ANKRD28: variants seen among roughly 807,000 people sequenced by gnomAD.
ANKRD28 encodes the protein ankyrin repeat domain 28.
In ANKRD28, 44 loss-of-function variants were observed where a neutral mutation model predicts 126.5. That is an observed-to-expected ratio of 0.35 (90% confidence interval 0.27 to 0.45). ANKRD28 has a LOEUF of 0.45. Among genes scored for constraint, ANKRD28 ranks in the 20% least tolerant of loss-of-function variants. ANKRD28 has a pLI of 1.00. For synonymous variants in ANKRD28, 442 were observed against 468.5 expected (o/e 0.94, Z 0.73); for missense variants, 1,110 against 1,316.6 (o/e 0.84, Z 2.43).
At chr3:15,731,186 A>G (rs1395484941) in intron 6 of ANKRD28, among the ~76,000 whole-genome samples, 1 of 152,222 alleles carries the variant, frequency 6.6e-6, no homozygotes, top group African/African-American at 2.4e-5. Flanking sequence ...CTAAAAAGTG[A>G]CACTTAGCGG....
chr3:15,749,459 A>T (rs1306125466), intron 4 of ANKRD28, among the ~76,000 whole-genome samples: 2 of 152,160 alleles, frequency 1.3e-5, no homozygotes, highest in Non-Finnish European at 2.9e-5. Flanking sequence ...GTGTCTCCTT[A>T]ATTAGCTTAA....
intron 2 of ANKRD28, among the ~76,000 whole-genome samples, chr3:15,766,599 G>A (rs940500659): frequency 1.1e-4 from 16 of 152,124 alleles, no homozygotes; most frequent in African/African-American, 3.9e-4. Flanking sequence ...GAGCCTGCAA[G>A]TGAATGAGGC....
chr3:15,786,474 G>A (rs1473344846), intron 2 of ANKRD28, among the ~76,000 whole-genome samples: 1 of 152,062 alleles, frequency 6.6e-6, no homozygotes, highest in African/African-American at 2.4e-5. Context: ...GGAGAGGAGG[G>A]AGGAAGGGAT....
chr3:15,709,834 GATAA>G (rs2071980740), intron 12 of ANKRD28, 98 bp from the exon 13 acceptor site: 1 of 675,858 alleles, frequency 1.5e-6, no homozygotes, highest in African/African-American at 1.9e-5. Context: ...TTTATATGAA[GATAA>G]ATGTGACAAA....
chr3:15,688,892 A>G (rs1237552084), intron 18 of ANKRD28, among the ~76,000 whole-genome samples: 1 of 152,256 alleles, frequency 6.6e-6, no homozygotes, highest in African/African-American at 2.4e-5. Flanking sequence ...TTAATGCAGT[A>G]CACTGGTAAA....
At chr3:15,849,856 A>T (rs1363172430) in intron 1 of ANKRD28, among the ~76,000 whole-genome samples, 1 of 152,146 alleles carries the variant, frequency 6.6e-6, no homozygotes, top group Non-Finnish European at 1.5e-5. Flanking sequence ...ATCACCATGT[A>T]TACGGAAAAC....
intron 8 of ANKRD28, among the ~76,000 whole-genome samples, chr3:15,718,451 T>C (rs1400337924): frequency 2.0e-5 from 3 of 152,202 alleles, no homozygotes; most frequent in Non-Finnish European, 4.4e-5. Context: ...ATAGGACCAC[T>C]GGTTTGAGCA....
intron 6 of ANKRD28, among the ~76,000 whole-genome samples, chr3:15,729,387 C>G (rs2074413026): frequency 6.6e-6 from 1 of 152,160 alleles, no homozygotes; most frequent in Admixed American, 6.6e-5. Context: ...TCAGATCCAA[C>G]CTTTCCTGAC....
intron 2 of ANKRD28, among the ~76,000 whole-genome samples, chr3:15,783,865 T>G (rs545444833): frequency 1.3e-5 from 2 of 151,800 alleles, no homozygotes; most frequent in African/African-American, 4.8e-5. Context: ...CCCCAAAATA[T>G]ATCAAGGCAT....
intron 3 of ANKRD28, among the ~76,000 whole-genome samples, chr3:15,759,268 G>A (rs747234747): frequency 3.3e-5 from 5 of 152,124 alleles, no homozygotes; most frequent in Non-Finnish European, 5.9e-5. Flanking sequence ...TTTACTAGCA[G>A]TATAAAAACT....
In ANKRD28 at chr3:15,677,557, G is replaced by C; in HGVS notation, c.2713C>G (p.Leu905Val). ...ENGQTNTVEM[L>V]VSSASAELTL... ...AGTTCTGCACTAGCACTGCTAACCAGCATCTCTGGGAGGAAAAAGTGCATC... is the reference window on the plus strand; with the variant it reads ...AGTTCTGCACTAGCACTGCTAACCACCATCTCTGGGAGGAAAAAGTGCATC... The change falls in exon 25 of 28, where the codon CTG becomes GTG. Residue 905 changes from leucine (L) to valine (V), a missense_variant. Transcript: ENST00000683139. The C allele has an allele frequency of 6.2e-7, 1 of 1,608,718 alleles. No homozygotes were observed. The highest frequency in any genetic ancestry group is 8.5e-7 in the Non-Finnish European group (1 of 1,176,354).
chr3:15,851,703 A>G (rs955019914), intron 1 of ANKRD28, among the ~76,000 whole-genome samples: 1 of 152,208 alleles, frequency 6.6e-6, no homozygotes, highest in Admixed American at 6.5e-5. Flanking sequence ...GGAATGAAAA[A>G]TGGTGCAGCC....
chr3:15,795,524 C>T (rs191839231), intron 1 of ANKRD28, among the ~76,000 whole-genome samples: 3 of 151,820 alleles, frequency 2.0e-5, no homozygotes, highest in Non-Finnish European at 4.4e-5. Context: ...CAGTTTGACC[C>T]AATTTAGGTA....
chr3:15,820,579 C>A (rs969322709), intron 1 of ANKRD28, among the ~76,000 whole-genome samples: 1 of 152,112 alleles, frequency 6.6e-6, no homozygotes, highest in Non-Finnish European at 1.5e-5. Context: ...CTGTTTAGAT[C>A]TATTCTAACA....
rs887813534 is a variant in ANKRD28, at chr3:15,668,351, CTTGA to C, written c.*1915_*1918del. 7.3e-5 allele frequency: 11 copies of C among 150,268 alleles called. No homozygotes were observed. Among genetic ancestry groups the C allele is most frequent in the African/African-American group, 2.2e-4 (9 of 40,294 alleles). The allele number at this position is 150,268 out of a possible 1,614,324, so 9.3% of individuals were successfully genotyped here. On this transcript the variant is annotated 3_prime_UTR_variant, in exon 28 of 28. Coordinates refer to ENST00000683139, the MANE Select transcript of ANKRD28 (RefSeq NM_001349278.2). Reference sequence around the variant, plus strand: ...CACATATGTATACTTTTAGAATCTGCTTGATTTTTTTTTTTTTCAAAAGGTACAA... The same window carrying C: ...CACATATGTATACTTTTAGAATCTGCTTTTTTTTTTTTTCAAAAGGTACAA...
At chr3:15,703,792 TG>T (rs748630871) in intron 14 of ANKRD28, among the ~76,000 whole-genome samples, 13 of 152,246 alleles carry the variant, frequency 8.5e-5, no homozygotes, top group Non-Finnish European at 1.6e-4. Context: ...GGAAGAGTTA[TG>T]AAGTGCGGGC....
At chr3:15,680,959 G>A (rs753504095) in intron 21 of ANKRD28, among the ~76,000 whole-genome samples, 8 of 152,108 alleles carry the variant, frequency 5.3e-5, no homozygotes, top group Admixed American at 3.9e-4. Flanking sequence ...AAGCCACCAC[G>A]GCCAACATTT....
intron 1 of ANKRD28, chr3:15,859,289 C>A (rs2061852148): frequency 1.9e-5 from 28 of 1,489,158 alleles, no homozygotes; most frequent in Non-Finnish European, 2.4e-5. Context: ...CCCCGCCGAG[C>A]GGGCGTCCCA....
chr3:15,704,062 C>T (rs143186981), intron 14 of ANKRD28, among the ~76,000 whole-genome samples: 3 of 152,206 alleles, frequency 2.0e-5, no homozygotes, highest in Admixed American at 6.5e-5. Context: ...GTGGAGAAGA[C>T]CCACATGACA....
Sources: allele counts gnomAD v4.1 joint callset (sites outside exome capture counted in the v4.1 genomes callset), GRCh38; gene constraint gnomAD v4.1.1; transcripts MANE v1.5; gene names NCBI Gene and HGNC (gene_info 2026-07-23, HGNC 2026-07-21).